LRMDA: variants seen among roughly 807,000 people sequenced by gnomAD.
LRMDA encodes leucine rich melanocyte differentiation associated.
A neutral mutation model predicts 29.8 loss-of-function variants in LRMDA; 18 were observed. The observed-to-expected ratio is 0.60, with a 90% CI of 0.42 to 0.90. LRMDA has a LOEUF of 0.90. Among genes scored for constraint, LRMDA ranks in the 40% least tolerant of loss-of-function variants. The probability of loss-of-function intolerance (pLI) is 0.00; values close to 1 mark genes in which losing one functional copy is unlikely to be tolerated. For missense variants in LRMDA, 273 were observed against 273.9 expected (o/e 1.00, Z 0.02); for synonymous variants, 125 against 109.4 (o/e 1.14, Z -0.89).
In LRMDA at chr10:76,193,041, T is replaced by A. The variant is rs543346796; in HGVS notation, c.517-131360T>A. 1.6e-4 allele frequency among the ~76,000 whole-genome samples: 24 copies of A among 152,352 alleles called. No individual in the cohort carries two copies. In the East Asian group the frequency reaches 4.6e-3, roughly 29 times the overall value. On this transcript the variant is annotated intron_variant, in intron 5 of 6. Coordinates refer to ENST00000611255, the MANE Select transcript of LRMDA (RefSeq NM_001305581.2). The stretch of plus-strand genomic sequence containing the variant: ...AAACATTTATGGCTTCTATAAATGC[T>A]ATATAAAATGCTTTGGAGAGTGGTC...
chr10:75,531,131 G>A (rs1383733421), intron 2 of LRMDA, among the ~76,000 whole-genome samples: 3 of 152,128 alleles, frequency 2.0e-5, no homozygotes, highest in African/African-American at 7.2e-5. Context: ...GGTCTCTAGG[G>A]TTACAGTGGA....
chr10:75,457,186 C>A (rs563895320), intron 2 of LRMDA, among the ~76,000 whole-genome samples: 3 of 152,182 alleles, frequency 2.0e-5, no homozygotes, highest in Non-Finnish European at 4.4e-5. Flanking sequence ...GTGGGGGGAC[C>A]AAGATCTAAA....
intron 6 of LRMDA, among the ~76,000 whole-genome samples, chr10:76,493,759 C>A (rs932283670): frequency 2.6e-5 from 4 of 151,810 alleles, no homozygotes; most frequent in Non-Finnish European, 2.9e-5. Context: ...AATCAGTTTG[C>A]CAATGTCTAA....
chr10:76,450,606 A>G (rs1842396178), intron 6 of LRMDA, among the ~76,000 whole-genome samples: 2 of 152,226 alleles, frequency 1.3e-5, no homozygotes, highest in South Asian at 4.1e-4. Flanking sequence ...CACGTCTGTC[A>G]TCTTCTCTTC....
chr10:75,525,524 G>A (rs1223172957), intron 2 of LRMDA, among the ~76,000 whole-genome samples: 1 of 151,714 alleles, frequency 6.6e-6, no homozygotes, highest in Non-Finnish European at 1.5e-5. Flanking sequence ...TAACTGACTT[G>A]GTAAGACTGG....
chr10:76,103,550 A>G (rs1178741000), intron 5 of LRMDA, among the ~76,000 whole-genome samples: 2 of 152,188 alleles, frequency 1.3e-5, no homozygotes, highest in Non-Finnish European at 2.9e-5. Context: ...TGACTTACTC[A>G]TACACTTCCT....
intron 6 of LRMDA, among the ~76,000 whole-genome samples, chr10:76,545,964 A>G (rs1294323529): frequency 6.6e-6 from 1 of 152,134 alleles, no homozygotes; most frequent in Non-Finnish European, 1.5e-5. Flanking sequence ...CCCAACTCAG[A>G]TCCATGGAAT....
rs1046906163 is a variant in LRMDA, at chr10:75,560,207, A to C, written c.131+121713A>C. 4.9e-4 allele frequency among the ~76,000 whole-genome samples: 74 copies of C among 151,870 alleles called. No homozygotes were observed. In the East Asian group the frequency reaches 0.013, roughly 27 times the overall value. The stretch of plus-strand genomic sequence containing the variant: ...ATTTGTTTGTATCCTCTCTTATTTC[A>C]TTGAGCAGTGGTTTGTAGTTCTCCT... On this transcript the variant is annotated intron_variant, in intron 2 of 6. Transcript: ENST00000611255.
At chr10:75,454,816 A>T (rs182010978) in intron 2 of LRMDA, among the ~76,000 whole-genome samples, 119 of 152,298 alleles carry the variant, frequency 7.8e-4, no homozygotes, top group African/African-American at 2.5e-3. Flanking sequence ...GGCAAGAAAA[A>T]AATCAGCCTT....
chr10:75,878,319 C>A (rs1435189652), intron 2 of LRMDA, among the ~76,000 whole-genome samples: 1 of 145,000 alleles, frequency 6.9e-6, no homozygotes, highest in Non-Finnish European at 1.5e-5. Flanking sequence ...TGGATGGGTG[C>A]AAAGTTTTAT....
At chr10:76,089,920 T>A (rs1206169302) in intron 5 of LRMDA, among the ~76,000 whole-genome samples, 3 of 152,034 alleles carry the variant, frequency 2.0e-5, no homozygotes, top group Admixed American at 2.0e-4. Context: ...AATTACAGAG[T>A]GTAACGTGAG....
intron 6 of LRMDA, among the ~76,000 whole-genome samples, chr10:76,430,251 G>A (rs961084122): frequency 6.6e-6 from 1 of 152,156 alleles, no homozygotes; most frequent in African/African-American, 2.4e-5. Context: ...TATTAGCCTG[G>A]CATTGTTAAT....
At chr10:75,704,296 T>G (rs1488173888) in intron 2 of LRMDA, among the ~76,000 whole-genome samples, 1 of 152,256 alleles carries the variant, frequency 6.6e-6, no homozygotes, top group Non-Finnish European at 1.5e-5. Context: ...GTACATCATA[T>G]GTATTAGCAG....
intron 5 of LRMDA, among the ~76,000 whole-genome samples, chr10:76,204,369 A>ATCCACCCATCTCTATTCCATGTGCCCG (rs1851496508): frequency 6.6e-6 from 1 of 150,972 alleles, no homozygotes; most frequent in Non-Finnish European, 1.5e-5. Context: ...CCATGTGCCC[A>ATCCACCCATCTCTATTCCATGTGCCCG]TCTACCCATC....
At chr10:75,970,837 A>T (rs964201505) in intron 2 of LRMDA, among the ~76,000 whole-genome samples, 6 of 152,210 alleles carry the variant, frequency 3.9e-5, no homozygotes, top group Non-Finnish European at 8.8e-5. Flanking sequence ...TTGAGTCCTA[A>T]CTTCCATAAC....
intron 6 of LRMDA, among the ~76,000 whole-genome samples, chr10:76,448,426 G>A (rs978081096): frequency 6.6e-6 from 1 of 151,918 alleles, no homozygotes; most frequent in Non-Finnish European, 1.5e-5. Flanking sequence ...TATTTGTAAG[G>A]CACTTGATAC....
At chr10:75,545,113 G>A (rs1840062812) in intron 2 of LRMDA, among the ~76,000 whole-genome samples, 1 of 152,150 alleles carries the variant, frequency 6.6e-6, no homozygotes, top group Non-Finnish European at 1.5e-5. Flanking sequence ...GGGTGGGGTG[G>A]TTGCTGCTGG....
chr10:75,767,624 G>A (rs554039620), intron 2 of LRMDA, among the ~76,000 whole-genome samples: 60 of 152,182 alleles, frequency 3.9e-4, no homozygotes, highest in African/African-American at 1.3e-3. Context: ...AACTTAACGT[G>A]ATTTCTACTT....
intron 6 of LRMDA, among the ~76,000 whole-genome samples, chr10:76,495,718 G>A (rs1057291126): frequency 6.6e-6 from 1 of 151,616 alleles, no homozygotes; most frequent in African/African-American, 2.4e-5. Flanking sequence ...TATACAAATT[G>A]TATATATACT....
Sources: gnomAD v4.1 joint callset for allele counts (sites outside exome capture counted in the v4.1 genomes callset) on GRCh38, gnomAD v4.1.1 for gene constraint, MANE v1.5 for transcripts, NCBI Gene and HGNC (gene_info 2026-07-23, HGNC 2026-07-21) for gene names.